Variants in ABCB11 observed in about 807,000 individuals in gnomAD.
The protein encoded by ABCB11 is bile salt export pump.
In ABCB11, 95 loss-of-function variants were observed where a neutral mutation model predicts 148.0. The ratio of observed to expected loss-of-function variants is 0.64; its 90% confidence interval spans 0.54 to 0.76. The LOEUF is 0.76. Among genes scored for constraint, ABCB11 ranks in the 30% least tolerant of loss-of-function variants. The pLI is 0.00. For missense variants in ABCB11, 1,523 were observed against 1,617.8 expected (o/e 0.94, Z 1.01); for synonymous variants, 591 against 555.4 (o/e 1.06, Z -0.90).
At chr2:168,939,068 T>C (rs914814542) in intron 21 of ABCB11, among the ~76,000 whole-genome samples, 7 of 132,584 alleles carry the variant, frequency 5.3e-5, no homozygotes, top group African/African-American at 2.0e-4. Context: ...TGTATCATAA[T>C]TGATTCAACT....
chr2:168,930,678 T>C lies in ABCB11; in HGVS notation c.3398A>G (p.Asp1133Gly). ...IQLLERFYDPDQGKVMIDGHD... is the reference protein window; with the variant it reads ...IQLLERFYDPGQGKVMIDGHD... ...TGCGTGGCTTACCACCTTCCCTTGA[T>C]CAGGATCATAGAAACGTTCCAACAG... The change falls in exon 25 of 28, where the codon GAT (aspartate) becomes GGT (glycine). Residue 1133 changes from aspartate (D) to glycine (G), a missense_variant. By Grantham distance (94) the Asp-to-Gly change is moderately conservative (BLOSUM62 -1). Transcript: ENST00000650372. 1 of 1,556,816 alleles carries C rather than the reference T, an allele frequency of 6.4e-7. No individual in the cohort carries two copies.
rs1339456877 is a variant in ABCB11, at chr2:169,007,216, G to T, written c.389+6056C>A. Among the ~76,000 whole-genome samples the T allele has an allele frequency of 3.9e-5, 6 of 152,250 alleles. No individual in the cohort carries two copies. In the East Asian group the frequency reaches 1.2e-3, roughly 29 times the overall value. On this transcript the variant is annotated intron_variant, in intron 5 of 27. Coordinates refer to ENST00000650372, the MANE Select transcript of ABCB11 (RefSeq NM_003742.4). ...TAAACCCTCTTAATTACAGTAAATTGATTTTGATAAGGATTCTGAGATTAA... is the reference window on the plus strand; with the variant it reads ...TAAACCCTCTTAATTACAGTAAATTTATTTTGATAAGGATTCTGAGATTAA...
chr2:168,947,451 C>T (rs543789358), intron 19 of ABCB11, among the ~76,000 whole-genome samples: 6 of 151,702 alleles, frequency 4.0e-5, no homozygotes, highest in Admixed American at 2.0e-4. Context: ...AGACAAATTA[C>T]GCCTTACATG....
chr2:169,005,900 T>C (rs1695004217), intron 5 of ABCB11, among the ~76,000 whole-genome samples: 1 of 152,158 alleles, frequency 6.6e-6, no homozygotes, highest in African/African-American at 2.4e-5. Context: ...CTAAAGAGAT[T>C]GAATCAGCAA....
intron 21 of ABCB11, 30 bp downstream of exon 21, chr2:168,944,575 T>C (rs1478476852): frequency 3.8e-6 from 6 of 1,561,312 alleles, no homozygotes; most frequent in East Asian, 2.3e-5. Context: ...ATGCAGTTAA[T>C]ATACTTCTAT....
At chr2:168,927,775 C>T (rs1691382046) in intron 25 of ABCB11, among the ~76,000 whole-genome samples, 1 of 152,112 alleles carries the variant, frequency 6.6e-6, no homozygotes, top group Non-Finnish European at 1.5e-5. Flanking sequence ...AAGGGTCAAA[C>T]CTGTTTTCTT....
chr2:168,928,366 C>A (rs1691411560), intron 25 of ABCB11, among the ~76,000 whole-genome samples: 2 of 152,134 alleles, frequency 1.3e-5, no homozygotes, highest in Non-Finnish European at 2.9e-5. Context: ...TAGACTCTCC[C>A]ACAGGGACTC....
At chr2:168,990,423 C>T (rs1694474233) in intron 9 of ABCB11, among the ~76,000 whole-genome samples, 1 of 151,974 alleles carries the variant, frequency 6.6e-6, no homozygotes. Flanking sequence ...CTCTTATGAT[C>T]TTCTGTATTT....
chr2:168,962,158 T>A (rs2105942805), intron 18 of ABCB11, among the ~76,000 whole-genome samples: 1 of 151,788 alleles, frequency 6.6e-6, no homozygotes, highest in East Asian at 2.0e-4. Flanking sequence ...TTATGAGACC[T>A]TTTCCCCTTG....
At chr2:168,973,582 A>G in intron 13 of ABCB11, 133 bp downstream of exon 13, 2 of 1,133,032 alleles carry the variant, frequency 1.8e-6, no homozygotes, top group Non-Finnish European at 2.5e-6. Flanking sequence ...CCATCAATTC[A>G]GTAACAAATC....
chr2:168,916,666 C>G (rs1265953511), downstream of ABCB11, among the ~76,000 whole-genome samples: 1 of 152,234 alleles, frequency 6.6e-6, no homozygotes, highest in Non-Finnish European at 1.5e-5. Flanking sequence ...CACCTGCCGT[C>G]TCACATGCAG....
At chr2:168,984,364 C>T (rs371571129) in intron 10 of ABCB11, among the ~76,000 whole-genome samples, 39 of 152,148 alleles carry the variant, frequency 2.6e-4, no homozygotes, top group Non-Finnish European at 4.9e-4. Flanking sequence ...ACCACATTTC[C>T]GTTGCTCACT....
Position 168,944,431 on chromosome 2 carries a change from A to G in ABCB11, c.2610+174T>C, listed in dbSNP as rs75899188. On this transcript the variant is annotated intron_variant, in intron 21 of 27. Transcript: ENST00000650372. ...TGATTCTGGGCACTGCCTGGGAGAC[A>G]CTGTGCTTTAGCTGCTGTTTGTCAG... is the stretch of plus-strand genomic sequence containing the variant. Among the ~76,000 whole-genome samples, 2,465 of 152,124 alleles carry G rather than the reference A, an allele frequency of 0.016. 62 individuals carry two copies. Among genetic ancestry groups the G allele is most frequent in the African/African-American group, 0.056 (2,307 of 41,520 alleles).
Position 168,970,156 on chromosome 2 carries a change from C to A in ABCB11, c.1698G>T (p.Arg566Ser), listed in dbSNP as rs1026929124. The A allele has an allele frequency of 6.2e-7, 1 of 1,612,860 alleles. No individual in the cohort carries two copies. Among genetic ancestry groups the A allele is most frequent in the Admixed American group, 1.7e-5 (1 of 59,862 alleles). The change falls in exon 15 of 28, where the codon AGG becomes AGT. Residue 566 changes from arginine to serine, a missense_variant. Coordinates refer to ENST00000650372, the MANE Select transcript of ABCB11 (RefSeq NM_003742.4). The part of the protein sequence containing the change: ...GGQMSGGQKQ[R>S]VAIARALIRN... The stretch of plus-strand genomic sequence containing the variant: ...GGATGAGGGCTCTGGCGATAGCTAC[C>A]CTTTGTTTCTGGCCACCACTCATCT...
At chr2:168,977,367 G>C (rs982395402) in intron 11 of ABCB11, among the ~76,000 whole-genome samples, 4 of 152,122 alleles carry the variant, frequency 2.6e-5, no homozygotes, top group Admixed American at 2.0e-4. Flanking sequence ...GTATTCTTTT[G>C]AGTATCCATG....
intron 12 of ABCB11, among the ~76,000 whole-genome samples, chr2:168,975,430 GATAAATAT>G (rs377566595): frequency 1.4e-3 from 2 of 1,386 alleles, no homozygotes; most frequent in Non-Finnish European, 2.4e-3. Context: ...TATATTTATA[GATAAATAT>G]ATAAATATAT....
intron 10 of ABCB11, among the ~76,000 whole-genome samples, chr2:168,984,958 T>C (rs1694263255): frequency 6.6e-6 from 1 of 152,058 alleles, no homozygotes; most frequent in South Asian, 2.1e-4. Flanking sequence ...AAAGAGGTTT[T>C]TCACAGCATA....
At chr2:168,985,983 A>G in intron 10 of ABCB11, 127 bp downstream of exon 10, 6 of 811,932 alleles carry the variant, frequency 7.4e-6, no homozygotes, top group Non-Finnish European at 1.1e-5. Context: ...TTCCACAGAC[A>G]GACTCCATAA....
chr2:168,931,725 T>C (rs913306763), intron 24 of ABCB11, among the ~76,000 whole-genome samples: 2 of 151,970 alleles, frequency 1.3e-5, no homozygotes, highest in Non-Finnish European at 2.9e-5. Context: ...ACTGGCTTCA[T>C]TCATTTGGGA....
Sources: allele counts gnomAD v4.1 joint callset (sites outside exome capture counted in the v4.1 genomes callset), GRCh38; gene constraint gnomAD v4.1.1; transcripts MANE v1.5; gene names NCBI Gene and HGNC (gene_info 2026-07-23, HGNC 2026-07-21).